The following CCSER1 variants were observed in gnomAD, a reference collection of about 807,000 sequenced individuals.
CCSER1 encodes coiled-coil serine rich protein 1.
Under a neutral mutation model 82.0 loss-of-function variants are expected in CCSER1, and 41 were observed. That is an observed-to-expected ratio of 0.50 (90% CI 0.39 to 0.65). The LOEUF is 0.65. CCSER1 is among the 30% of genes least tolerant of loss of function. The probability of loss-of-function intolerance (pLI) is 0.00; values close to 1 mark genes in which losing one functional copy is unlikely to be tolerated. For synonymous variants in CCSER1, 414 were observed against 383.9 expected (o/e 1.08, Z -0.92); for missense variants, 1,119 against 1,064.2 (o/e 1.05, Z -0.72).
chr4:91,271,103 A>G (rs1261833028), intron 10 of CCSER1, among the ~76,000 whole-genome samples: 1 of 151,756 alleles, frequency 6.6e-6, no homozygotes, highest in African/African-American at 2.4e-5. Context: ...TCATTGTCTT[A>G]AGTAATAGAT....
At chr4:90,227,608 G>T (rs1008280805) in intron 1 of CCSER1, among the ~76,000 whole-genome samples, 3 of 152,152 alleles carry the variant, frequency 2.0e-5, no homozygotes, top group African/African-American at 7.2e-5. Flanking sequence ...TAGAGCTTAT[G>T]GGGGGAGGAG....
chr4:90,221,995 A>C (rs968450124), intron 1 of CCSER1, among the ~76,000 whole-genome samples: 32 of 152,266 alleles, frequency 2.1e-4, no homozygotes, highest in African/African-American at 7.2e-4. Flanking sequence ...TCTCAGAATG[A>C]CTCGCATGTT....
intron 1 of CCSER1, among the ~76,000 whole-genome samples, chr4:90,246,261 A>G (rs1721378760): frequency 6.6e-6 from 1 of 152,178 alleles, no homozygotes; most frequent in Non-Finnish European, 1.5e-5. Context: ...GGTTCAGACA[A>G]GTCAAACTTT....
intron 4 of CCSER1, among the ~76,000 whole-genome samples, chr4:90,461,566 A>G (rs1762933146): frequency 6.6e-6 from 1 of 152,110 alleles, no homozygotes; most frequent in Non-Finnish European, 1.5e-5. Context: ...CTAGGCCCCA[A>G]TCACATTGAA....
chr4:90,147,159 C>T (rs1447112715), intron 1 of CCSER1, among the ~76,000 whole-genome samples: 1 of 151,242 alleles, frequency 6.6e-6, no homozygotes, highest in Non-Finnish European at 1.5e-5. Context: ...AGACACTTTA[C>T]TGTGTCTTTC....
intron 10 of CCSER1, among the ~76,000 whole-genome samples, chr4:91,406,088 A>G (rs1416407086): frequency 6.6e-6 from 1 of 152,238 alleles, no homozygotes; most frequent in African/African-American, 2.4e-5. Flanking sequence ...AATAATGAAG[A>G]AAGTGCAAAA....
intron 8 of CCSER1, among the ~76,000 whole-genome samples, chr4:90,846,003 A>T (rs1012621953): frequency 5.3e-5 from 8 of 152,160 alleles, no homozygotes; most frequent in African/African-American, 1.9e-4. Context: ...AATGCTCAAT[A>T]TGAAAAAAAT....
chr4:90,740,871 T>C (rs140372977), intron 7 of CCSER1, among the ~76,000 whole-genome samples: 163 of 152,296 alleles, frequency 1.1e-3, no homozygotes, highest in Non-Finnish European at 2.0e-3. Flanking sequence ...CTTACTTTAA[T>C]CAAAGGATTC....
intron 5 of CCSER1, among the ~76,000 whole-genome samples, chr4:90,597,648 A>G (rs571242480): frequency 2.2e-4 from 34 of 152,250 alleles, no homozygotes; most frequent in African/African-American, 6.3e-4. Flanking sequence ...GTCATCTGGT[A>G]TACTTATGTT....
At chr4:90,161,202 T>G (rs1361938123) in intron 1 of CCSER1, among the ~76,000 whole-genome samples, 1 of 152,186 alleles carries the variant, frequency 6.6e-6, no homozygotes, top group Admixed American at 6.5e-5. Flanking sequence ...TTCTTGCTGA[T>G]GATCTTTGGT....
chr4:90,866,796 G>A (rs1019991362), intron 8 of CCSER1, among the ~76,000 whole-genome samples: 8 of 151,988 alleles, frequency 5.3e-5, no homozygotes, highest in African/African-American at 1.9e-4. Context: ...GGAGCAGGGT[G>A]GGGATGAAAC....
chr4:91,250,264 G>T (rs188516116), intron 10 of CCSER1, among the ~76,000 whole-genome samples: 1 of 151,890 alleles, frequency 6.6e-6, no homozygotes, highest in African/African-American at 2.4e-5. Context: ...GTTTTAAATG[G>T]ATTGGATTTC....
intron 10 of CCSER1, among the ~76,000 whole-genome samples, chr4:91,213,315 G>C (rs1211724771): frequency 1.3e-5 from 2 of 151,968 alleles, no homozygotes; most frequent in Non-Finnish European, 2.9e-5. Flanking sequence ...TGGGTACTGG[G>C]AAAAACAGAG....
At chr4:90,561,194 G>A (rs947383501) in intron 5 of CCSER1, among the ~76,000 whole-genome samples, 3 of 152,104 alleles carry the variant, frequency 2.0e-5, no homozygotes, top group Admixed American at 2.0e-4. Context: ...ATTTTCCATT[G>A]ATCCTTTTCT....
intron 1 of CCSER1, among the ~76,000 whole-genome samples, chr4:90,175,221 A>G (rs1473973056): frequency 1.3e-5 from 2 of 152,008 alleles, no homozygotes; most frequent in Admixed American, 6.6e-5. Context: ...GTGAATGTCA[A>G]ACTAGTTATG....
chr4:90,622,096 G>A (rs939576834), intron 5 of CCSER1, among the ~76,000 whole-genome samples: 3 of 152,148 alleles, frequency 2.0e-5, no homozygotes, highest in East Asian at 3.8e-4. Flanking sequence ...AACATGAGGT[G>A]GAGTGTAGAT....
intron 7 of CCSER1, among the ~76,000 whole-genome samples, chr4:90,791,824 A>G (rs1333459160): frequency 6.8e-6 from 1 of 146,384 alleles, no homozygotes; most frequent in Non-Finnish European, 1.5e-5. Flanking sequence ...TGTCTCAAAA[A>G]AAAAAAAAAC....
intron 10 of CCSER1, among the ~76,000 whole-genome samples, chr4:91,115,175 AAAGT>A (rs1480863173): frequency 2.0e-5 from 3 of 152,316 alleles, no homozygotes; most frequent in African/African-American, 7.2e-5. Context: ...GTCTTTTTAG[AAAGT>A]AAGTGAAAAT....
intron 7 of CCSER1, among the ~76,000 whole-genome samples, chr4:90,751,670 G>A (rs1748688164): frequency 6.6e-6 from 1 of 152,032 alleles, no homozygotes; most frequent in Admixed American, 6.6e-5. Context: ...GCTTGGTGTT[G>A]ACGTTGTTAC....
Sources: allele counts gnomAD v4.1 joint callset (sites outside exome capture counted in the v4.1 genomes callset), GRCh38; gene constraint gnomAD v4.1.1; transcripts MANE v1.5; gene names NCBI Gene and HGNC (gene_info 2026-07-23, HGNC 2026-07-21).